Variants in TRPM5 observed in about 807,000 individuals in gnomAD.
TRPM5 encodes the protein transient receptor potential cation channel subfamily M member 5.
Under a neutral mutation model 124.9 loss-of-function variants are expected in TRPM5, and 121 were observed. That is an observed-to-expected ratio of 0.97 (90% confidence interval 0.84 to 1.13). The LOEUF is 1.13. Ranked by LOEUF, TRPM5 falls within the 50% of genes most tolerant of loss-of-function variation. TRPM5 has a pLI of 0.00. For missense variants in TRPM5, 1,643 were observed against 1,589.1 expected, an observed-to-expected ratio of 1.03 and a Z score of -0.58; for synonymous variants, 781 against 700.5, an observed-to-expected ratio of 1.11 and a Z score of -1.81.
the TRPM5 span, among the ~76,000 whole-genome samples, chr11:2,431,988 G>T: frequency 6.6e-6 from 1 of 152,332 alleles, no homozygotes; most frequent in Admixed American, 6.5e-5. Flanking sequence ...ATGGGTGAGT[G>T]TCCAGGCGTG....
At position 2,413,182 on chromosome 11, in the gene TRPM5, A is replaced by AC; in HGVS notation, c.2047_2048insG (p.Leu683ArgfsTer30). 1 of 1,551,730 alleles carries AC rather than the reference A, an allele frequency of 6.4e-7. No homozygotes were observed. The highest frequency in any genetic ancestry group is 8.7e-7 in the Non-Finnish European group (1 of 1,147,926). On this transcript the variant is annotated frameshift_variant, in exon 14 of 24. Coordinates refer to ENST00000155858, the Ensembl canonical transcript of TRPM5. LOFTEE classifies it high-confidence loss of function. ...GCTCTTCTCCGTGTCCAGGCTGTCC[A>AC]GGTCCTGCAGGTCCTCCAGGCCTGT...
At chr11:2,417,278 C>T (rs1033623541) in intron 7 of TRPM5, among the ~76,000 whole-genome samples, 3 of 152,064 alleles carry the variant, frequency 2.0e-5, no homozygotes, top group Non-Finnish European at 2.9e-5. Flanking sequence ...GGTGAAACCC[C>T]GTCTCTACTA....
chr11:2,417,217 C>T (rs1358718833), intron 7 of TRPM5, among the ~76,000 whole-genome samples: 1 of 152,134 alleles, frequency 6.6e-6, no homozygotes, highest in Non-Finnish European at 1.5e-5. Context: ...TTTGGGAGGC[C>T]GAGGCAGGCG....
intron 16 of TRPM5, 53 bp downstream of exon 21, chr11:2,412,082 G>C (rs1374307705): frequency 1.3e-6 from 2 of 1,496,024 alleles, no homozygotes; most frequent in Non-Finnish European, 1.9e-6. Context: ...GCTTCATCTG[G>C]AAGCCTGCCC....
chr11:2,442,399 A>G, the TRPM5 span, among the ~76,000 whole-genome samples: 3 of 145,490 alleles, frequency 2.1e-5, no homozygotes, highest in African/African-American at 8.4e-5. The surrounding 1 kb of genome is among the most constrained non-coding windows in gnomAD (Gnocchi z 5.9). Flanking sequence ...ACACACACAC[A>G]CACACACACA....
chr11:2,410,614 C>G (rs1281493810), intron 18 of TRPM5: 3 of 445,186 alleles, frequency 6.7e-6, no homozygotes, highest in Non-Finnish European at 1.4e-5. Context: ...GAGCTCCCCA[C>G]CAACCCATCA....
intron 19 of TRPM5, 44 bp downstream of exon 24, chr11:2,407,715 C>T: frequency 1.2e-6 from 2 of 1,604,042 alleles, no homozygotes; most frequent in Admixed American, 1.7e-5. Flanking sequence ...CCCTCTGCTC[C>T]CTCCGCTCCA....
At chr11:2,405,122 G>T in intron 23 of TRPM5, 79 bp from the exon 29 acceptor site, 1 of 1,265,044 alleles carries the variant, frequency 7.9e-7, no homozygotes, top group Non-Finnish European at 1.1e-6. Flanking sequence ...CTGGCTCAGA[G>T]GCAAGGGCCA....
Position 2,416,654 on chromosome 11 carries a change from G to T in TRPM5, c.1010-630C>A, listed in dbSNP as rs1845687084. On this transcript the variant is annotated intron_variant, in intron 7 of 23. Transcript: ENST00000155858. ...GAGGTTTCTTTGACCTCCTTGTCCTGGTGAGGTTTCTAAACCCAGAGCCAC... is the reference window on the plus strand; with the variant it reads ...GAGGTTTCTTTGACCTCCTTGTCCTTGTGAGGTTTCTAAACCCAGAGCCAC... 2.6e-5 allele frequency among the ~76,000 whole-genome samples: 4 copies of T among 152,242 alleles called. No homozygotes were observed. In the South Asian group the frequency reaches 8.3e-4, roughly 32 times the overall value.
the TRPM5 span, among the ~76,000 whole-genome samples, chr11:2,434,374 C>T: frequency 4.3e-5 from 6 of 141,048 alleles, no homozygotes; most frequent in Non-Finnish European, 7.7e-5. Flanking sequence ...CCGTGTGTGT[C>T]TGTGTGGATG....
At chr11:2,414,010 C>CG in intron 12 of TRPM5, 51 bp downstream of exon 17, 3 of 420,364 alleles carry the variant, frequency 7.1e-6, no homozygotes, top group South Asian at 1.8e-5. Flanking sequence ...GCCCAGCTCG[C>CG]CCGCCCACCC....
At chr11:2,414,738 G>C in exon 11 of TRPM5, 1 of 1,544,292 alleles carries the variant, frequency 6.5e-7, no homozygotes, top group South Asian at 1.2e-5. Flanking sequence ...CTCGTATTTC[G>C]CCTCGCGCGT....
At chr11:2,407,221 C>T (rs751636093) in exon 20 of TRPM5, 6 of 1,611,726 alleles carry the variant, frequency 3.7e-6, no homozygotes, top group Admixed American at 1.7e-5. Context: ...GCGGGGCGCT[C>T]GTGGTACTCC....
the TRPM5 span, among the ~76,000 whole-genome samples, chr11:2,434,611 G>A: frequency 6.6e-6 from 1 of 151,852 alleles, no homozygotes; most frequent in East Asian, 1.9e-4. Context: ...ATGTGTGTGT[G>A]TGTAGGTGCA....
chr11:2,420,300 G>A (rs1020121704), exon 4 of TRPM5: 1 of 1,612,644 alleles, frequency 6.2e-7, no homozygotes, highest in African/African-American at 1.3e-5. Flanking sequence ...CCCTTCCCCG[G>A]GGGGCCTGGC....
At chr11:2,431,747 C>T in the TRPM5 span, among the ~76,000 whole-genome samples, 2 of 152,186 alleles carry the variant, frequency 1.3e-5, no homozygotes, top group Admixed American at 6.5e-5. Flanking sequence ...TCAGAGACCC[C>T]CTCACCCTAG....
chr11:2,417,860 C>G, intron 6 of TRPM5, 31 bp from the exon 12 acceptor site: 1 of 1,548,154 alleles, frequency 6.5e-7, no homozygotes, highest in Non-Finnish European at 8.7e-7. Flanking sequence ...CCCATGGGGC[C>G]GCCTCAGCCA....
At chr11:2,414,009 G>GGGGGGGCC in intron 12 of TRPM5, 52 bp downstream of exon 17, 14 of 1,023,714 alleles carry the variant, frequency 1.4e-5, no homozygotes, top group Non-Finnish European at 1.7e-5. Flanking sequence ...GGCCCAGCTC[G>GGGGGGGCC]CCCGCCCACC....
intron 18 of TRPM5, among the ~76,000 whole-genome samples, chr11:2,410,242 CA>C (rs1176609618): frequency 2.0e-5 from 3 of 152,158 alleles, no homozygotes; most frequent in Non-Finnish European, 2.9e-5. Context: ...AGGCGGTTTC[CA>C]TCACGGCGTC....
Sources: gnomAD v4.1 joint callset for allele counts (sites outside exome capture counted in the v4.1 genomes callset) on GRCh38, gnomAD v4.1.1 for gene constraint, Gnocchi (gnomAD v3.1) non-coding constraint, MANE v1.5 for transcripts, NCBI Gene and HGNC (gene_info 2026-07-23, HGNC 2026-07-21) for gene names.